The following PHACTR1 variants were observed in gnomAD, a reference collection of about 807,000 sequenced individuals.
PHACTR1 encodes RPEL repeat containing 1.
In PHACTR1, 16 loss-of-function variants were observed where a neutral mutation model predicts 69.2. That is an observed-to-expected ratio of 0.23 (90% CI 0.16 to 0.35). The LOEUF (loss-of-function observed/expected upper bound fraction) is 0.35, where lower values mean the gene tolerates loss of function less well. Ranked by LOEUF, PHACTR1 falls within the 10% of genes least tolerant of loss-of-function variation. The pLI, the probability that PHACTR1 is intolerant of heterozygous loss-of-function variation, is 1.00. For synonymous variants in PHACTR1, 312 were observed against 284.5 expected (o/e 1.10, Z -0.97); for missense variants, 510 against 734.7 (o/e 0.69, Z 3.54).
At chr6:12,915,017 T>A in intron 4 of PHACTR1, among the ~76,000 whole-genome samples, 1 of 152,014 alleles carries the variant, frequency 6.6e-6, no homozygotes, top group Non-Finnish European at 1.5e-5. Context: ...CACAAGGGAG[T>A]TGGAGCTCAA....
Position 13,245,595 on chromosome 6 carries a change from A to T in PHACTR1, c.1391+15402A>T, listed in dbSNP as rs1773481862. On this transcript the variant is annotated intron_variant, in intron 10 of 14. Transcript: ENST00000332995. This position sits in a 1 kb window ranked among gnomAD's most constrained non-coding sequence, Gnocchi z 4.1. ...GTATAGTTTGCAAATATTTTCTCCC[A>T]TTCTGTAGCTTGTCTGTTTACTCTG... Among the ~76,000 whole-genome samples the T allele has an allele frequency of 6.6e-6, 1 of 152,048 alleles. No individual in the cohort carries two copies. The highest frequency in any genetic ancestry group is 1.9e-4 in the East Asian group (1 of 5,192).
intron 5 of PHACTR1, among the ~76,000 whole-genome samples, chr6:13,081,872 G>C (rs778624812): frequency 2.0e-5 from 3 of 152,142 alleles, no homozygotes; most frequent in Non-Finnish European, 4.4e-5. Context: ...GGTTTGTCCT[G>C]TTTAAATGCT....
chr6:13,116,714 A>G (rs1228627334), intron 5 of PHACTR1, among the ~76,000 whole-genome samples: 1 of 152,230 alleles, frequency 6.6e-6, no homozygotes, highest in African/African-American at 2.4e-5. Flanking sequence ...AGAAGGTTAA[A>G]TTATTGTTTA....
intron 4 of PHACTR1, among the ~76,000 whole-genome samples, chr6:12,756,124 T>C (rs1170505000): frequency 6.6e-6 from 1 of 152,178 alleles, no homozygotes; most frequent in Non-Finnish European, 1.5e-5. Flanking sequence ...GGAGTCGCTT[T>C]TTGACATATG....
At chr6:13,222,183 G>C (rs1768775945) in intron 8 of PHACTR1, among the ~76,000 whole-genome samples, 1 of 152,190 alleles carries the variant, frequency 6.6e-6, no homozygotes. Flanking sequence ...TGAATTTGAA[G>C]CCAACTAAAT....
intron 4 of PHACTR1, among the ~76,000 whole-genome samples, chr6:13,001,028 T>A (rs980158724): frequency 1.1e-4 from 17 of 152,318 alleles, no homozygotes; most frequent in Middle Eastern, 6.8e-3. Context: ...GTCTTTGTAA[T>A]CAAAGCTAAC....
At chr6:12,857,804 C>T (rs1780550022) in intron 4 of PHACTR1, among the ~76,000 whole-genome samples, 2 of 152,084 alleles carry the variant, frequency 1.3e-5, no homozygotes, top group African/African-American at 4.8e-5. Flanking sequence ...ATTCTCCCAC[C>T]CTTAGGTAAA....
intron 4 of PHACTR1, among the ~76,000 whole-genome samples, chr6:12,776,597 G>A (rs1770092042): frequency 6.6e-6 from 1 of 152,168 alleles, no homozygotes; most frequent in Non-Finnish European, 1.5e-5. Flanking sequence ...ATCAGTTCTA[G>A]TACTCCATTT....
intron 4 of PHACTR1, among the ~76,000 whole-genome samples, chr6:12,768,826 A>ACG (rs1038418205): frequency 8.2e-6 from 1 of 121,266 alleles, no homozygotes; most frequent in African/African-American, 2.8e-5. Flanking sequence ...ACACACACAC[A>ACG]CACACACACA....
intron 4 of PHACTR1, among the ~76,000 whole-genome samples, chr6:12,801,244 A>G (rs1038232042): frequency 6.6e-6 from 1 of 152,232 alleles, no homozygotes; most frequent in Middle Eastern, 3.2e-3. Context: ...CAAATGAATC[A>G]TAGAAGAACA....
chr6:13,120,966 A>T (rs1300509606), intron 5 of PHACTR1, among the ~76,000 whole-genome samples: 1 of 151,758 alleles, frequency 6.6e-6, no homozygotes, highest in Non-Finnish European at 1.5e-5. Context: ...CAAGCCTGGC[A>T]CCCTAGTCTA....
chr6:12,833,401 G>T (rs1777798933), intron 4 of PHACTR1, among the ~76,000 whole-genome samples: 1 of 151,890 alleles, frequency 6.6e-6, no homozygotes, highest in Admixed American at 6.6e-5. Flanking sequence ...TGGGATTACA[G>T]GTGCCCACCA....
At chr6:12,944,976 G>A (rs1184522556) in intron 4 of PHACTR1, among the ~76,000 whole-genome samples, 1 of 151,876 alleles carries the variant, frequency 6.6e-6, no homozygotes, top group Non-Finnish European at 1.5e-5. Flanking sequence ...TAGAGACGGG[G>A]TTTCACCGTG....
intron 5 of PHACTR1, among the ~76,000 whole-genome samples, chr6:13,132,741 A>G (rs1820671243): frequency 6.6e-6 from 1 of 152,144 alleles, no homozygotes; most frequent in African/African-American, 2.4e-5. Context: ...AAAAAAAAAA[A>G]AAAGTGAATG....
intron 4 of PHACTR1, among the ~76,000 whole-genome samples, chr6:12,956,697 A>G: frequency 6.6e-6 from 1 of 152,014 alleles, no homozygotes; most frequent in Non-Finnish European, 1.5e-5. Context: ...AACCCAAGCC[A>G]CCCCTTTGGC....
At chr6:12,823,154 G>A (rs968292801) in intron 4 of PHACTR1, among the ~76,000 whole-genome samples, 1 of 152,090 alleles carries the variant, frequency 6.6e-6, no homozygotes, top group African/African-American at 2.4e-5. Flanking sequence ...TGTAAACAGG[G>A]GCAAGTTACT....
intron 3 of PHACTR1, among the ~76,000 whole-genome samples, chr6:12,728,019 A>AG (rs1763015518): frequency 6.6e-6 from 1 of 152,118 alleles, no homozygotes; most frequent in African/African-American, 2.4e-5. Context: ...AAAGGGGAAA[A>AG]AAAATGAGAG....
intron 10 of PHACTR1, among the ~76,000 whole-genome samples, chr6:13,259,171 T>A (rs1584269977): frequency 6.6e-6 from 1 of 152,266 alleles, no homozygotes; most frequent in Non-Finnish European, 1.5e-5. Context: ...ATTTCTGTTG[T>A]AATTAACTAC....
At chr6:13,193,385 A>ATATATATATATATATATATATATATAT (rs1561971538) in intron 7 of PHACTR1, among the ~76,000 whole-genome samples, 11 of 136,510 alleles carry the variant, frequency 8.1e-5, no homozygotes, top group Non-Finnish European at 1.3e-4. Context: ...ATATATATAT[A>ATATATATATATATATATATATATATAT]GTTTTGGGGA....
Sources: allele counts gnomAD v4.1 joint callset (sites outside exome capture counted in the v4.1 genomes callset), GRCh38; gene constraint gnomAD v4.1.1; non-coding constraint Gnocchi (gnomAD v3.1); transcripts MANE v1.5; gene names NCBI Gene and HGNC (gene_info 2026-07-23, HGNC 2026-07-21).